Variants in BNC2 observed in about 807,000 individuals in gnomAD.
The protein encoded by BNC2 is zinc finger protein basonuclin-2.
Under a neutral mutation model 76.3 loss-of-function variants are expected in BNC2, and 20 were observed. That is an observed-to-expected ratio of 0.26 (90% CI 0.18 to 0.38). The LOEUF (loss-of-function observed/expected upper bound fraction) is 0.38, where lower values mean the gene tolerates loss of function less well. Ranked by LOEUF, BNC2 falls within the 10% of genes least tolerant of loss-of-function variation. The probability of loss-of-function intolerance (pLI) is 1.00; values close to 1 mark genes in which losing one functional copy is unlikely to be tolerated. For missense variants in BNC2, 1,382 were observed against 1,399.8 expected, an observed-to-expected ratio of 0.99 and a Z score of 0.20; for synonymous variants, 582 against 514.8, an observed-to-expected ratio of 1.13 and a Z score of -1.77.
intron 4 of BNC2, among the ~76,000 whole-genome samples, chr9:16,563,925 C>T (rs919221499): frequency 6.6e-6 from 1 of 152,076 alleles, no homozygotes; most frequent in African/African-American, 2.4e-5. Flanking sequence ...ATTTATATCG[C>T]TTGGATTTTA....
At position 16,665,328 on chromosome 9, in the gene BNC2, C is replaced by A. The variant is rs529555083; in HGVS notation, c.330+62469G>T. ...GAGGTTGCAGTAAGCTAAGACCGTG[C>A]CACTGTACTCCAGCCTGGGCAATAA... On this transcript the variant is annotated intron_variant, in intron 3 of 6. Transcript: ENST00000380672. Among the ~76,000 whole-genome samples, 198 of 143,998 alleles carry A rather than the reference C, an allele frequency of 1.4e-3. 2 individuals carry two copies. The highest frequency in any genetic ancestry group is 4.6e-3 in the African/African-American group (179 of 38,574). The allele number at this position is 143,998 out of a possible 152,430, so 94.5% of individuals were successfully genotyped here. A position where few individuals can be genotyped will look rare whatever the true frequency, so the allele number is the denominator to read the frequency against.
At chr9:16,835,021 G>A (rs1421654654) in intron 1 of BNC2, among the ~76,000 whole-genome samples, 4 of 152,148 alleles carry the variant, frequency 2.6e-5, no homozygotes, top group Non-Finnish European at 4.4e-5. Flanking sequence ...TCTAGTCAGC[G>A]AGTTTCATTC....
chr9:16,571,006 TAATC>T (rs1331796125), intron 4 of BNC2, among the ~76,000 whole-genome samples: 1 of 152,202 alleles, frequency 6.6e-6, no homozygotes, highest in African/African-American at 2.4e-5. Flanking sequence ...TAAGTTCAAT[TAATC>T]AGTACCAACG....
intron 3 of BNC2, among the ~76,000 whole-genome samples, chr9:16,612,000 A>T (rs1563862869): frequency 6.6e-6 from 1 of 151,340 alleles, no homozygotes; most frequent in African/African-American, 2.4e-5. Context: ...GTTTCCTTTA[A>T]ATTATTCTAT....
chr9:16,832,383 T>G, intron 1 of BNC2: 1 of 1,134,584 alleles, frequency 8.8e-7, no homozygotes, highest in Non-Finnish European at 1.1e-6. Context: ...CAATATGTTT[T>G]GCCCAGTTTT....
At chr9:16,817,921 T>C (rs904768742) in intron 1 of BNC2, among the ~76,000 whole-genome samples, 3 of 152,174 alleles carry the variant, frequency 2.0e-5, no homozygotes, top group South Asian at 2.1e-4. Flanking sequence ...AATATGACAA[T>C]GTACTCATCT....
At chr9:16,634,391 C>A (rs1212954884) in intron 3 of BNC2, among the ~76,000 whole-genome samples, 1 of 152,098 alleles carries the variant, frequency 6.6e-6, no homozygotes. Flanking sequence ...CCATTAGTCA[C>A]ATGAAGTCTG....
intron 3 of BNC2, among the ~76,000 whole-genome samples, chr9:16,675,129 C>T (rs943530394): frequency 6.6e-6 from 1 of 152,176 alleles, no homozygotes; most frequent in Non-Finnish European, 1.5e-5. Context: ...TACTACAATG[C>T]CTAAAAATGT....
At chr9:16,500,050 T>C (rs1201985228) in intron 5 of BNC2, among the ~76,000 whole-genome samples, 3 of 151,988 alleles carry the variant, frequency 2.0e-5, no homozygotes, top group African/African-American at 7.2e-5. Context: ...ATTCTTAGCC[T>C]AGTGGCCTGC....
chr9:16,502,966 T>C (rs1277724120), intron 5 of BNC2, among the ~76,000 whole-genome samples: 1 of 152,092 alleles, frequency 6.6e-6, no homozygotes, highest in African/African-American at 2.4e-5. Flanking sequence ...ATTTATGGGA[T>C]TGTAACTCAA....
At chr9:16,510,337 C>G (rs779478446) in intron 5 of BNC2, among the ~76,000 whole-genome samples, 5 of 152,196 alleles carry the variant, frequency 3.3e-5, no homozygotes, top group Non-Finnish European at 5.9e-5. Flanking sequence ...TGCACAATAG[C>G]TACCAAAAGG....
chr9:16,591,763 T>C (rs1165705853), intron 3 of BNC2, among the ~76,000 whole-genome samples: 1 of 152,196 alleles, frequency 6.6e-6, no homozygotes, highest in Non-Finnish European at 1.5e-5. Context: ...AACATTCATA[T>C]GATGGAAAAT....
At chr9:16,751,426 T>C (rs1041083937) in intron 1 of BNC2, among the ~76,000 whole-genome samples, 20 of 151,896 alleles carry the variant, frequency 1.3e-4, no homozygotes, top group Admixed American at 9.2e-4. Flanking sequence ...CAATGAACTC[T>C]CTCAAGAAAA....
At chr9:16,624,758 A>T (rs1464484163) in intron 3 of BNC2, among the ~76,000 whole-genome samples, 1 of 152,212 alleles carries the variant, frequency 6.6e-6, no homozygotes, top group African/African-American at 2.4e-5. Context: ...AATCAAAGTT[A>T]TTTCTCTAGT....
intron 6 of BNC2, chr9:16,421,331 CAGAG>C (rs749600099): frequency 3.5e-5 from 43 of 1,230,704 alleles, no homozygotes; most frequent in Middle Eastern, 2.7e-4. Flanking sequence ...GAATAAGAGA[CAGAG>C]AGAGAGAAAG....
rs1819530432 is a variant in BNC2, at chr9:16,577,938, T to C, written c.433+5045A>G. The stretch of plus-strand genomic sequence containing the variant: ...AAATAATTTGCACAGAGAAAGCTGC[T>C]GTGGGTGCGTTAAGCTATAAAATGT... On this transcript the variant is annotated intron_variant, in intron 4 of 6. Transcript: ENST00000380672. Among the ~76,000 whole-genome samples the C allele has an allele frequency of 2.6e-5, 4 of 152,232 alleles. No individual in the cohort carries two copies. In the South Asian group the frequency reaches 8.3e-4, roughly 32 times the overall value.
chr9:16,713,911 C>CA (rs367644450), intron 3 of BNC2, among the ~76,000 whole-genome samples: 2 of 152,124 alleles, frequency 1.3e-5, no homozygotes, highest in African/African-American at 4.8e-5. Context: ...CCTATCTCTA[C>CA]AAAAAATACA....
intron 1 of BNC2, among the ~76,000 whole-genome samples, chr9:16,782,686 G>A (rs536368997): frequency 6.6e-6 from 1 of 152,214 alleles, no homozygotes; most frequent in East Asian, 1.9e-4. Context: ...TCTGGGCTTA[G>A]GGGTTCCACA....
At chr9:16,727,712 A>G (rs1446976073) in intron 3 of BNC2, 85 bp downstream of exon 3, 1 of 1,214,798 alleles carries the variant, frequency 8.2e-7, no homozygotes, top group African/African-American at 1.5e-5. Context: ...ATTTAGAAAG[A>G]AAAACACCAG....
Sources: gnomAD v4.1 joint callset for allele counts (sites outside exome capture counted in the v4.1 genomes callset) on GRCh38, gnomAD v4.1.1 for gene constraint, MANE v1.5 for transcripts, NCBI Gene and HGNC (gene_info 2026-07-23, HGNC 2026-07-21) for gene names.